Variants in MED27 observed in about 807,000 individuals in gnomAD.
MED27 encodes the protein mediator of RNA polymerase II transcription subunit 27.
Under a neutral mutation model 38.2 loss-of-function variants are expected in MED27, and 30 were observed. That is an observed-to-expected ratio of 0.79 (90% confidence interval 0.59 to 1.07). The LOEUF is 1.07. Ranked by LOEUF, MED27 falls within the 50% of genes least tolerant of loss-of-function variation. The pLI is 0.00. For missense variants in MED27, 289 were observed against 397.5 expected (o/e 0.73, Z 2.32); for synonymous variants, 122 against 153.5 (o/e 0.79, Z 1.52).
chr9:131,985,437 T>C (rs1831828315), intron 3 of MED27, among the ~76,000 whole-genome samples: 2 of 152,218 alleles, frequency 1.3e-5, no homozygotes, highest in African/African-American at 4.8e-5. Flanking sequence ...CATAACAGTG[T>C]TTTGGTGAGA....
At chr9:132,039,984 G>A (rs1833172385) in intron 2 of MED27, among the ~76,000 whole-genome samples, 1 of 152,170 alleles carries the variant, frequency 6.6e-6, no homozygotes, top group Non-Finnish European at 1.5e-5. Flanking sequence ...AGGGTGAAAA[G>A]TATCAATAAA....
At chr9:131,934,228 T>C (rs1251053869) in intron 4 of MED27, among the ~76,000 whole-genome samples, 1 of 152,190 alleles carries the variant, frequency 6.6e-6, no homozygotes, top group African/African-American at 2.4e-5. Flanking sequence ...AAAAATGTCT[T>C]GAGTAACATC....
intron 2 of MED27, among the ~76,000 whole-genome samples, chr9:132,036,153 C>T (rs1173029652): frequency 6.6e-6 from 1 of 152,126 alleles, no homozygotes; most frequent in African/African-American, 2.4e-5. Flanking sequence ...TTTCTCCTAA[C>T]CATTTTGATA....
intron 3 of MED27, among the ~76,000 whole-genome samples, chr9:131,958,429 G>A (rs1340651771): frequency 6.6e-6 from 1 of 151,998 alleles, no homozygotes; most frequent in Non-Finnish European, 1.5e-5. Flanking sequence ...TGTATTTTTA[G>A]TAGAGACAAG....
At position 131,860,535 on chromosome 9, in the gene MED27, G is replaced by C; in HGVS notation, c.*3C>G. ...GGGTCTGAGGCTGGGGCCAGCGTGG[G>C]GGCTACTGCCGGCAGGTGTCATGGA... On this transcript the variant is annotated 3_prime_UTR_variant, in exon 8 of 8. Transcript: ENST00000292035. This position sits in a 1 kb window ranked among gnomAD's most constrained non-coding sequence, Gnocchi z 5.8. 1 of 1,522,100 alleles carries C rather than the reference G, an allele frequency of 6.6e-7. No individual in the cohort carries two copies. Among genetic ancestry groups the C allele is most frequent in the Non-Finnish European group, 8.8e-7 (1 of 1,134,476 alleles). 94.3% of individuals were successfully genotyped at this position (1,522,100 alleles called of 1,614,324 possible).
Position 131,966,383 on chromosome 9 carries a change from C to CAAAAAAAAAAAAAAAAAAA in MED27, c.480-26910_480-26909insTTTTTTTTTTTTTTTTTTT, listed in dbSNP as rs749607968. 7.9e-3 allele frequency among the ~76,000 whole-genome samples: 289 copies of CAAAAAAAAAAAAAAAAAAA among 36,698 alleles called. 45 individuals are homozygous for CAAAAAAAAAAAAAAAAAAA. The highest frequency in any genetic ancestry group is 0.014 in the African/African-American group (88 of 6,268). 24.1% of individuals were successfully genotyped at this position (36,698 alleles called of 152,430 possible). On this transcript the variant is annotated intron_variant, in intron 3 of 7. Coordinates refer to ENST00000292035, the MANE Select transcript of MED27 (RefSeq NM_004269.4). ...CAGGCAAAAGAGCCAGACCCTGTCA[C>CAAAAAAAAAAAAAAAAAAA]AAAAAAAAAAAAAAAAAGGAAAGGA...
intron 3 of MED27, among the ~76,000 whole-genome samples, chr9:131,988,288 G>A (rs567978933): frequency 6.6e-6 from 1 of 152,194 alleles, no homozygotes; most frequent in East Asian, 1.9e-4. Context: ...TTCATTAAAG[G>A]AGCCATTTAT....
chr9:132,061,900 C>T (rs1244145037), intron 2 of MED27, among the ~76,000 whole-genome samples: 12 of 152,192 alleles, frequency 7.9e-5, no homozygotes, highest in Non-Finnish European at 1.6e-4. Flanking sequence ...CTGTTTGTAT[C>T]CCCAAACTAG....
intron 2 of MED27, among the ~76,000 whole-genome samples, chr9:132,033,155 T>G (rs1313666634): frequency 6.6e-6 from 1 of 152,176 alleles, no homozygotes; most frequent in Non-Finnish European, 1.5e-5. Flanking sequence ...GGACAATAAT[T>G]TTCTTTACAC....
chr9:131,902,312 C>T (rs982176402), intron 4 of MED27, among the ~76,000 whole-genome samples: 17 of 152,154 alleles, frequency 1.1e-4, no homozygotes, highest in African/African-American at 4.1e-4. Context: ...TAACAGCAGG[C>T]TCGAGAGCTG....
chr9:131,966,733 T>C (rs1041590998), intron 3 of MED27, among the ~76,000 whole-genome samples: 1 of 152,196 alleles, frequency 6.6e-6, no homozygotes, highest in African/African-American at 2.4e-5. Context: ...TTCAAGTCCT[T>C]GCTCTGGCAG....
At chr9:132,031,181 C>T (rs554283029) in intron 2 of MED27, among the ~76,000 whole-genome samples, 186 of 152,312 alleles carry the variant, frequency 1.2e-3, no homozygotes, top group Admixed American at 2.1e-3. Context: ...GTGGTGTCCT[C>T]TCTGGAGAGG....
intron 2 of MED27, among the ~76,000 whole-genome samples, chr9:132,033,611 C>T (rs1025402430): frequency 6.6e-6 from 1 of 152,220 alleles, no homozygotes; most frequent in African/African-American, 2.4e-5. Context: ...TGTATATAAA[C>T]TTCCAACTGT....
At chr9:131,901,711 T>A (rs1188850377) in intron 4 of MED27, among the ~76,000 whole-genome samples, 1 of 152,164 alleles carries the variant, frequency 6.6e-6, no homozygotes, top group African/African-American at 2.4e-5. Context: ...TTAGATACGG[T>A]CTGTAAAAGC....
At chr9:131,959,394 G>A (rs1831168911) in intron 3 of MED27, among the ~76,000 whole-genome samples, 1 of 152,146 alleles carries the variant, frequency 6.6e-6, no homozygotes, top group African/African-American at 2.4e-5. Flanking sequence ...AAGTAACTGG[G>A]TCTTTTGCCA....
intron 2 of MED27, among the ~76,000 whole-genome samples, chr9:132,048,303 G>A (rs563442743): frequency 2.6e-5 from 4 of 152,168 alleles, no homozygotes; most frequent in East Asian, 3.9e-4. Flanking sequence ...TTGAATGCAG[G>A]AATCTCAATT....
chr9:131,903,803 C>T (rs1829998448), intron 4 of MED27, among the ~76,000 whole-genome samples: 1 of 152,134 alleles, frequency 6.6e-6, no homozygotes. Flanking sequence ...TCTCAGCTCA[C>T]TGCAACCTCC....
At chr9:131,945,293 A>G (rs1388004638) in intron 3 of MED27, among the ~76,000 whole-genome samples, 5 of 151,682 alleles carry the variant, frequency 3.3e-5, no homozygotes, top group Non-Finnish European at 7.4e-5. Flanking sequence ...GTTTTTGTTT[A>G]TTTATTTTTT....
intron 3 of MED27, among the ~76,000 whole-genome samples, chr9:131,988,594 TA>T (rs375279192): frequency 6.6e-6 from 1 of 152,352 alleles, no homozygotes; most frequent in Non-Finnish European, 1.5e-5. Context: ...AACACAGTAA[TA>T]TAATACATAT....
Sources: allele counts gnomAD v4.1 joint callset (sites outside exome capture counted in the v4.1 genomes callset), GRCh38; gene constraint gnomAD v4.1.1; non-coding constraint Gnocchi (gnomAD v3.1); transcripts MANE v1.5; gene names NCBI Gene and HGNC (gene_info 2026-07-23, HGNC 2026-07-21).